ITIH3: variants seen among roughly 807,000 people sequenced by gnomAD.
ITIH3 encodes the protein inter-alpha-trypsin inhibitor heavy chain 3, also known as inter-alpha-trypsin inhibitor heavy chain H3.
ITIH3 carries 81 observed loss-of-function variants against 96.5 expected under a neutral mutation model. The observed-to-expected ratio is 0.84, with a 90% CI of 0.70 to 1.01. The LOEUF (loss-of-function observed/expected upper bound fraction) is 1.01. Ranked by LOEUF, ITIH3 falls within the 50% of genes least tolerant of loss-of-function variation. ITIH3 has a pLI of 0.00. For synonymous variants in ITIH3, 422 were observed against 445.2 expected (o/e 0.95, Z 0.66); for missense variants, 1,057 against 1,139.3 (o/e 0.93, Z 1.04).
chr3:52,805,843 G>C lies in ITIH3; in HGVS notation c.1906+3G>C, dbSNP rs771043762. The C allele has an allele frequency of 6.2e-7, 1 of 1,613,646 alleles. No homozygotes were observed. The highest frequency in any genetic ancestry group is 8.5e-7 in the Non-Finnish European group (1 of 1,179,722). On this transcript the variant is annotated splice_donor_region_variant and intron_variant, in intron 16 of 21. Transcript: ENST00000449956. The stretch of plus-strand genomic sequence containing the variant: ...GAGCCCCGCCATGTCCTACCTGAGT[G>C]AGTACATGCTGGCAGCTGCCACTCC...
In ITIH3 at chr3:52,796,552, T is replaced by C. The variant is rs1487901158; in HGVS notation, c.186T>C (p.Val62=). Residue 62 remains valine (V), a synonymous_variant, in exon 3 of 22, where the codon GTT becomes GTC. Transcript: ENST00000449956. The part of the protein sequence containing the change: ...SKVTSRFAHN[V]VTMRAVNRAD... The stretch of plus-strand genomic sequence containing the variant: ...TGACCTCCCGTTTTGCTCACAATGT[T>C]GTCACCATGAGAGCCGTCAACCGTG... 6.2e-7 allele frequency: 1 copy of C among 1,613,704 alleles called. No individual in the cohort carries two copies. Among genetic ancestry groups the C allele is most frequent in the Admixed American group, 1.7e-5 (1 of 59,988 alleles).
At chr3:52,805,346 A>G in intron 15 of ITIH3, 1 of 1,016,564 alleles carries the variant, frequency 9.8e-7, no homozygotes, top group African/African-American at 1.7e-5. Flanking sequence ...TCCCCTCAGA[A>G]CAGCCCTGAT....
chr3:52,801,128 T>C lies in ITIH3; in HGVS notation c.1365T>C (p.Asp455=). The change falls in exon 11 of 22, where the codon GAT becomes GAC. Residue 455 remains aspartate, a synonymous_variant. Coordinates refer to ENST00000449956, the MANE Select transcript of ITIH3 (RefSeq NM_002217.4). ...CCCGGCGCATTTATGAGGACTCTGA[T>C]GCCGATTTGCAGTTGCAGGTATGCC... is the stretch of plus-strand genomic sequence containing the variant. ...GFARRIYEDS[D]ADLQLQGFYE... is the part of the protein sequence containing the mutation. The C allele has an allele frequency of 1.9e-6, 3 of 1,581,348 alleles. No individual in the cohort carries two copies. Among genetic ancestry groups the C allele is most frequent in the Non-Finnish European group, 2.6e-6 (3 of 1,164,178 alleles).
At position 52,795,487 on chromosome 3, in the gene ITIH3, GT is replaced by G. The variant is rs933120495; in HGVS notation, c.94-115del. ...CTATGTCTGGGGGCCACTCAGGTGTGTGGGGGGCAGGGCACCACTGAACCCC... is the reference window on the plus strand; with the variant it reads ...CTATGTCTGGGGGCCACTCAGGTGTGGGGGGGCAGGGCACCACTGAACCCC... On this transcript the variant is annotated intron_variant, in intron 1 of 21. Transcript: ENST00000449956. 15 of 1,104,198 alleles carry G rather than the reference GT, an allele frequency of 1.4e-5. No homozygotes were observed. In the African/African-American group the frequency reaches 2.3e-4, roughly 17 times the overall value. 68.4% of individuals were successfully genotyped at this position (1,104,198 alleles called of 1,614,324 possible).
At position 52,800,979 on chromosome 3, in the gene ITIH3, G is replaced by GA. The variant is rs1559471799; in HGVS notation, c.1222dup (p.Ile408AsnfsTer17). 1.9e-6 allele frequency: 3 copies of GA among 1,614,052 alleles called. No individual in the cohort carries two copies. The highest frequency in any genetic ancestry group is 2.5e-6 in the Non-Finnish European group (3 of 1,179,894). ...TTCTCCAACAGGTGAGAGCAGACCC[G>GA]AAAAAATCCAAGAGAATGTGCGGAA... On this transcript the variant is annotated frameshift_variant, in exon 11 of 22. Transcript: ENST00000449956. LOFTEE classifies it high-confidence loss of function.
chr3:52,802,210 G>A (rs1699854909), intron 11 of ITIH3, 124 bp from the exon 12 acceptor site: 1 of 998,118 alleles, frequency 1.0e-6, no homozygotes. Context: ...CGCAGTCAGG[G>A]ACAGGCAGAG....
chr3:52,800,028 A>C lies in ITIH3; in HGVS notation c.1075+107A>C, dbSNP rs111472667. The C allele has an allele frequency of 2.5e-3, 2,661 of 1,064,878 alleles. 42 individuals carry two copies. The African/African-American group carries it at 0.034, about 14-fold the overall frequency. 66.0% of individuals were successfully genotyped at this position (1,064,878 alleles called of 1,614,324 possible). ...ACTCTGCTGGTCTCAGGCCCTCTTCAGATCTGAGCTGGGGTAGAGGTGGGA... is the reference window on the plus strand; with the variant it reads ...ACTCTGCTGGTCTCAGGCCCTCTTCCGATCTGAGCTGGGGTAGAGGTGGGA... On this transcript the variant is annotated intron_variant, in intron 9 of 21. Coordinates refer to ENST00000449956, the MANE Select transcript of ITIH3 (RefSeq NM_002217.4).
chr3:52,798,889 C>G (rs1359664419), intron 6 of ITIH3, 77 bp from the exon 7 acceptor site: 1 of 1,557,412 alleles, frequency 6.4e-7, no homozygotes, highest in Non-Finnish European at 8.7e-7. Context: ...ACCTCTGCTC[C>G]CTCAGCTAAG....
At position 52,799,740 on chromosome 3, in the gene ITIH3, G is replaced by C. The variant is rs750487090; in HGVS notation, c.907-13G>C. 4 of 1,605,186 alleles carry C rather than the reference G, an allele frequency of 2.5e-6. No homozygotes were observed. The highest frequency in any genetic ancestry group is 2.6e-6 in the Non-Finnish European group (3 of 1,176,432). The stretch of plus-strand genomic sequence containing the variant: ...CTGCTGCGGCTTCTCCCAGCTCTTT[G>C]TCTCTCCTCCAGACAAAGGAGGCCC... On this transcript the variant is annotated splice_polypyrimidine_tract_variant and intron_variant, in intron 8 of 21. Coordinates refer to ENST00000449956, the MANE Select transcript of ITIH3 (RefSeq NM_002217.4).
rs368090665 is a variant in ITIH3, at chr3:52,803,866, A to G, written c.1721A>G (p.His574Arg). 181 of 1,613,874 alleles carry G rather than the reference A, an allele frequency of 1.1e-4. 1 individual carries two copies. Among genetic ancestry groups the G allele is most frequent in the Non-Finnish European group, 1.4e-4 (166 of 1,179,888 alleles). The change falls in exon 14 of 22, where the codon CAT (histidine) becomes CGT (arginine). Residue 574 changes from histidine to arginine, a missense_variant. His to Arg is a conservative substitution (Grantham distance 29). Transcript: ENST00000449956. ...GCCCCTCCTCACAGCAAGAACGCCC[A>G]TGGCGAGGAGAAGGAGAACCTCACG... ...EQLLEKRKNAHGEEKENLTAR... is the reference protein window; with the variant it reads ...EQLLEKRKNARGEEKENLTAR...
chr3:52,802,489 C>A lies in ITIH3; in HGVS notation c.1539C>A (p.Asn513Lys). The change falls in exon 12 of 22, where the codon AAC (asparagine) becomes AAA (lysine). Residue 513 changes from asparagine (N) to lysine (K), a missense_variant. Asn to Lys is a moderately conservative substitution (Grantham distance 94). Transcript: ENST00000449956. ...GGCGCCTGGTGGACGAGGACATGAA[C>A]AGCTTTAAGGCAGATGTGAAGGGCC... ...VAGRLVDEDM[N>K]SFKADVKGHG... 1.2e-6 allele frequency: 2 copies of A among 1,613,894 alleles called. No individual in the cohort carries two copies. The highest frequency in any genetic ancestry group is 1.7e-6 in the Non-Finnish European group (2 of 1,179,880).
At position 52,808,616 on chromosome 3, in the gene ITIH3, CACA is replaced by C. The variant is rs745890235; in HGVS notation, c.2614_2616del (p.Asn872del). 8 of 1,613,988 alleles carry C rather than the reference CACA, an allele frequency of 5.0e-6. No homozygotes were observed. Among genetic ancestry groups the C allele is most frequent in the South Asian group, 1.1e-5 (1 of 91,080 alleles). ...CACGAAGGTTGTCTGCTGGTTCGTC[CACA>C]ACAACGGAGAAGGGCTGATTGATGG... On this transcript the variant is annotated inframe_deletion, in exon 22 of 22. Coordinates refer to ENST00000449956, the MANE Select transcript of ITIH3 (RefSeq NM_002217.4).
chr3:52,795,037 G>A, intron 1 of ITIH3, 141 bp downstream of exon 1: 1 of 707,316 alleles, frequency 1.4e-6, no homozygotes, highest in South Asian at 1.7e-5. Flanking sequence ...GACACTGGGA[G>A]AACCGGGCTC....
chr3:52,797,285 C>T lies in ITIH3; in HGVS notation c.549+18C>T. The T allele has an allele frequency of 6.3e-7, 1 of 1,593,116 alleles. No homozygotes were observed. The highest frequency in any genetic ancestry group is 8.6e-7 in the Non-Finnish European group (1 of 1,168,794). The stretch of plus-strand genomic sequence containing the variant: ...ACTTTGAGGTAATCAACCGCCCCTG[C>T]AGACCTGGGGGGACGGCAGCGGGGT... On this transcript the variant is annotated intron_variant, in intron 5 of 21. Transcript: ENST00000449956.
At chr3:52,799,673 G>A (rs1003391095) in intron 8 of ITIH3, 80 bp from the exon 9 acceptor site, 16 of 1,425,596 alleles carry the variant, frequency 1.1e-5, no homozygotes, top group South Asian at 2.7e-5. Context: ...TGCAGATGGC[G>A]TGGGCTGCAC....
At chr3:52,799,681 C>T in intron 8 of ITIH3, 72 bp from the exon 9 acceptor site, 2 of 1,468,972 alleles carry the variant, frequency 1.4e-6, no homozygotes, top group Middle Eastern at 2.0e-4. Flanking sequence ...GCGTGGGCTG[C>T]ACCGCCTGCT....
intron 7 of ITIH3, 106 bp downstream of exon 7, chr3:52,799,197 T>G: frequency 7.0e-7 from 1 of 1,434,472 alleles, no homozygotes; most frequent in South Asian, 1.3e-5. Flanking sequence ...CCAAGGCTGT[T>G]TTCCTGCAGG....
chr3:52,798,916 T>G (rs2154109543), intron 6 of ITIH3, 50 bp from the exon 7 acceptor site: 6 of 1,602,986 alleles, frequency 3.7e-6, no homozygotes, highest in Non-Finnish European at 5.1e-6. Context: ...GGTCTCCCAG[T>G]GGGCAGGCCC....
At chr3:52,807,184 C>CCT in intron 19 of ITIH3, 79 bp downstream of exon 19, 1 of 1,260,210 alleles carries the variant, frequency 7.9e-7, no homozygotes, top group Non-Finnish European at 1.1e-6. Flanking sequence ...TAGAAAAATC[C>CCT]CAGGACAGGA....
Sources: allele counts gnomAD v4.1 joint callset, GRCh38; gene constraint gnomAD v4.1.1; transcripts MANE v1.5; gene names NCBI Gene and HGNC (gene_info 2026-07-23, HGNC 2026-07-21).